Variants in SZRD1 observed in about 807,000 individuals in gnomAD.
The protein encoded by SZRD1 is SUZ RNA-binding domain-containing.
SZRD1 carries 7 observed loss-of-function variants against 17.6 expected under a neutral mutation model. The ratio of observed to expected loss-of-function variants is 0.40; its 90% confidence interval spans 0.23 to 0.75. The LOEUF (loss-of-function observed/expected upper bound fraction) is 0.75. SZRD1 is among the 30% of genes least tolerant of loss of function. The pLI, the probability that SZRD1 is intolerant of heterozygous loss-of-function variation, is 0.38. For missense variants in SZRD1, 178 were observed against 201.8 expected (o/e 0.88, Z 0.71); for synonymous variants, 77 against 77.9 (o/e 0.99, Z 0.06).
chr1:16,395,431 C>CA lies in SZRD1; in HGVS notation c.*292dup, dbSNP rs893923454. The CA allele has an allele frequency of 1.4e-5, 6 of 440,154 alleles. No individual in the cohort carries two copies. Among genetic ancestry groups the CA allele is most frequent in the South Asian group, 2.2e-5 (1 of 46,238 alleles). The allele number at this position is 440,154 out of a possible 1,614,324, so 27.3% of individuals were successfully genotyped here. On this transcript the variant is annotated 3_prime_UTR_variant, in exon 4 of 4. Transcript: ENST00000401088. Reference sequence around the variant, plus strand: ...AGGTTGGGGGGACCCAGCAAGGACTCAGAGAGTCAGACAGTGCCACTTGGC... The same window carrying CA: ...AGGTTGGGGGGACCCAGCAAGGACTCAAGAGAGTCAGACAGTGCCACTTGGC...
rs1246980281 is a variant in SZRD1, at chr1:16,396,173, C to G, written c.*1033C>G. 6.6e-6 allele frequency: 1 copy of G among 152,538 alleles called. No homozygotes were observed. The highest frequency in any genetic ancestry group is 1.5e-5 in the Non-Finnish European group (1 of 68,064). 9.4% of individuals were successfully genotyped at this position (152,538 alleles called of 1,614,324 possible). On this transcript the variant is annotated 3_prime_UTR_variant, in exon 4 of 4. Coordinates refer to ENST00000401088, the MANE Select transcript of SZRD1 (RefSeq NM_001114600.3). ...AGGAAAACCAGGAGAGAGTCTGCCT[C>G]CAGGACTCTGAGCCTTCTGCCTCGT...
intron 1 of SZRD1, among the ~76,000 whole-genome samples, chr1:16,382,754 C>T (rs965034528): frequency 5.3e-5 from 8 of 152,142 alleles, no homozygotes; most frequent in Admixed American, 3.3e-4. Flanking sequence ...CTCGGCACTC[C>T]CAGAGTTCTG....
At chr1:16,375,884 C>T (rs1217947616) in intron 1 of SZRD1, among the ~76,000 whole-genome samples, 1 of 152,194 alleles carries the variant, frequency 6.6e-6, no homozygotes, top group Non-Finnish European at 1.5e-5. Context: ...GAACAATTCC[C>T]AGCCCAGCCC....
At chr1:16,385,387 C>T (rs2083171810) in intron 1 of SZRD1, among the ~76,000 whole-genome samples, 1 of 152,066 alleles carries the variant, frequency 6.6e-6, no homozygotes, top group Non-Finnish European at 1.5e-5. Flanking sequence ...TTGGCTAGTT[C>T]GAATCAGTCC....
At chr1:16,374,839 A>G (rs2082972439) in intron 1 of SZRD1, among the ~76,000 whole-genome samples, 1 of 152,006 alleles carries the variant, frequency 6.6e-6, no homozygotes, top group Non-Finnish European at 1.5e-5. Flanking sequence ...AAAAATTTTA[A>G]TGTAGTATCC....
In SZRD1 at chr1:16,369,402, C is replaced by G. The variant is rs1462812555; in HGVS notation, c.51+2094C>G. 53 of 1,075,902 alleles carry G rather than the reference C, an allele frequency of 4.9e-5. No homozygotes were observed. In the Admixed American group the frequency reaches 9.1e-4, roughly 19 times the overall value. 66.6% of individuals were successfully genotyped at this position (1,075,902 alleles called of 1,614,324 possible). On this transcript the variant is annotated intron_variant, in intron 1 of 3. Coordinates refer to ENST00000401088, the MANE Select transcript of SZRD1 (RefSeq NM_001114600.3). ...TTCCGTTCACTTTGATCCTTTCTTG[C>G]AAAAACTGCTCAAAATTGGCAGCAT...
chr1:16,377,081 C>T (rs756766575), intron 1 of SZRD1, among the ~76,000 whole-genome samples: 1 of 152,156 alleles, frequency 6.6e-6, no homozygotes, highest in African/African-American at 2.4e-5. Flanking sequence ...GTTGTTACCT[C>T]TTGTGTTCCA....
At chr1:16,368,530 C>T (rs1370269434) in intron 1 of SZRD1, among the ~76,000 whole-genome samples, 1 of 152,112 alleles carries the variant, frequency 6.6e-6, no homozygotes, top group African/African-American at 2.4e-5. Context: ...TTGAAGGATT[C>T]GTTCGTTCAG....
At chr1:16,394,430 T>A (rs1046251184) in intron 3 of SZRD1, among the ~76,000 whole-genome samples, 6 of 152,200 alleles carry the variant, frequency 3.9e-5, no homozygotes, top group African/African-American at 1.4e-4. Context: ...GAGCATGTGC[T>A]ATCCATGGTC....
intron 1 of SZRD1, among the ~76,000 whole-genome samples, chr1:16,372,128 C>CT (rs899042213): frequency 3.0e-4 from 44 of 148,180 alleles, no homozygotes; most frequent in East Asian, 1.2e-3. Flanking sequence ...TTTTCTTTTT[C>CT]TTTTTTTTTT....
Position 16,395,179 on chromosome 1 carries a change from C to T in SZRD1, c.*39C>T, listed in dbSNP as rs199920646. ...AAGATGCCGCCGTTGCTGCCGTCAC[C>T]GCCTCCTGGGTCGTCCGCCACGGGT... On this transcript the variant is annotated 3_prime_UTR_variant, in exon 4 of 4. Transcript: ENST00000401088. The T allele has an allele frequency of 1.9e-4, 283 of 1,478,822 alleles. No homozygotes were observed. In the Admixed American group the frequency reaches 2.6e-3, roughly 13 times the overall value. The allele number at this position is 1,478,822 out of a possible 1,614,324, so 91.6% of individuals were successfully genotyped here.
chr1:16,387,928 G>A (rs2085154289), intron 1 of SZRD1: 1 of 335,126 alleles, frequency 3.0e-6, no homozygotes, highest in South Asian at 2.3e-5. Context: ...TTCTGTGTGA[G>A]TGTCTGTGTT....
intron 1 of SZRD1, among the ~76,000 whole-genome samples, chr1:16,382,551 G>C (rs931714546): frequency 1.3e-5 from 2 of 150,424 alleles, no homozygotes; most frequent in Non-Finnish European, 3.0e-5. Context: ...CTGGAGTGCA[G>C]TGACACAATC....
intron 1 of SZRD1, chr1:16,369,124 T>C (rs149613517): frequency 2.9e-4 from 116 of 402,940 alleles, no homozygotes; most frequent in Non-Finnish European, 4.7e-4. Flanking sequence ...GAAAAACTTA[T>C]ACAAAATATT....
intron 1 of SZRD1, among the ~76,000 whole-genome samples, chr1:16,375,334 GAGA>G (rs2082982902): frequency 6.7e-6 from 1 of 149,994 alleles, no homozygotes; most frequent in South Asian, 2.1e-4. Flanking sequence ...TCTTTTTTTT[GAGA>G]AGGAGTTTCT....
At position 16,375,679 on chromosome 1, in the gene SZRD1, T is replaced by TC. The variant is rs2082990210; in HGVS notation, c.51+8377dup. 2.0e-5 allele frequency among the ~76,000 whole-genome samples: 3 copies of TC among 151,648 alleles called. No homozygotes were observed. The South Asian group carries it at 6.3e-4, about 32-fold the overall frequency. The stretch of plus-strand genomic sequence containing the variant: ...ATGCCCATCACAGTAAGCCAGCCCC[T>TC]CCCCCCAACAAACTCGTTCCCTTAT... On this transcript the variant is annotated intron_variant, in intron 1 of 3. Coordinates refer to ENST00000401088, the MANE Select transcript of SZRD1 (RefSeq NM_001114600.3).
intron 1 of SZRD1, among the ~76,000 whole-genome samples, chr1:16,388,342 C>T (rs762174046): frequency 1.3e-5 from 2 of 152,132 alleles, no homozygotes; most frequent in Non-Finnish European, 2.9e-5. Flanking sequence ...TCAAGTGATT[C>T]ACCCACCTCG....
intron 2 of SZRD1, among the ~76,000 whole-genome samples, chr1:16,392,331 C>G (rs956316298): frequency 1.3e-5 from 2 of 152,186 alleles, no homozygotes; most frequent in Non-Finnish European, 2.9e-5. Flanking sequence ...TGGTTGACTG[C>G]TCTGGGTAGG....
At chr1:16,376,588 T>C (rs2083006233) in intron 1 of SZRD1, among the ~76,000 whole-genome samples, 1 of 151,974 alleles carries the variant, frequency 6.6e-6, no homozygotes, top group African/African-American at 2.4e-5. Flanking sequence ...GGCGGATCAC[T>C]TGAGGTCAGG....
Sources: gnomAD v4.1 joint callset for allele counts (sites outside exome capture counted in the v4.1 genomes callset) on GRCh38, gnomAD v4.1.1 for gene constraint, MANE v1.5 for transcripts, NCBI Gene and HGNC (gene_info 2026-07-23, HGNC 2026-07-21) for gene names.